Variants in WNT6 observed in about 807,000 individuals in gnomAD.
WNT6 encodes the protein Wnt family member 6, also known as protein Wnt-6.
In WNT6, 27 loss-of-function variants were observed where a neutral mutation model predicts 33.1. That is an observed-to-expected ratio of 0.82 (90% CI 0.60 to 1.12). The LOEUF is 1.12. Ranked by LOEUF, WNT6 falls within the 50% of genes most tolerant of loss-of-function variation. The probability of loss-of-function intolerance (pLI) is 0.00; values close to 1 mark genes in which losing one functional copy is unlikely to be tolerated. For synonymous variants in WNT6, 249 were observed against 242.8 expected (o/e 1.03, Z -0.24); for missense variants, 494 against 535.3 (o/e 0.92, Z 0.76).
chr2:218,871,469 C>T lies in WNT6; in HGVS notation c.302-16C>T. On this transcript the variant is annotated splice_polypyrimidine_tract_variant and intron_variant, in intron 2 of 3. Coordinates refer to ENST00000233948, the MANE Select transcript of WNT6 (RefSeq NM_006522.4). This position sits in a 1 kb window ranked among gnomAD's most constrained non-coding sequence, Gnocchi z 6.4. ...CCGCCCCAGCCCGCGCTGATTGCAC[C>T]TGTCTGCATTCACAGACATTCGGGA... The T allele has an allele frequency of 6.3e-7, 1 of 1,594,388 alleles. No homozygotes were observed. Among genetic ancestry groups the T allele is most frequent in the South Asian group, 1.1e-5 (1 of 90,696 alleles).
rs1944363545 is a variant in WNT6, at chr2:218,867,537, T to C, written c.81-3490T>C. On this transcript the variant is annotated intron_variant, in intron 1 of 3. Transcript: ENST00000233948. The surrounding 1 kb of genome is among the most constrained non-coding windows in gnomAD (Gnocchi z 4.9). ...CAGGCCAAGCCGGTTAGAATGACCA[T>C]CCATTGCCTTGTCCCTTCTTGTCCG... is the stretch of plus-strand genomic sequence containing the variant. Among the ~76,000 whole-genome samples the C allele has an allele frequency of 6.6e-6, 1 of 152,350 alleles. No individual in the cohort carries two copies. The highest frequency in any genetic ancestry group is 3.4e-3 in the Middle Eastern group (1 of 294).
At position 218,871,553 on chromosome 2, in the gene WNT6, T is replaced by G. The variant is rs766266841; in HGVS notation, c.370T>G (p.Cys124Gly). The G allele has an allele frequency of 6.3e-7, 1 of 1,596,884 alleles. No homozygotes were observed. The highest frequency in any genetic ancestry group is 1.1e-5 in the South Asian group (1 of 90,828). The change falls in exon 3 of 4, where the codon TGT (cysteine) becomes GGT (glycine). Residue 124 changes from cysteine to glycine, a missense_variant. Cys to Gly is a radical substitution (Grantham distance 159). Transcript: ENST00000233948. This position sits in a 1 kb window ranked among gnomAD's most constrained non-coding sequence, Gnocchi z 6.4. ...CGCCAGCCACGCCGTCACGCAGGCCTGTTCTATGGGCGAGCTGCTGCAGTG... is the reference window on the plus strand; with the variant it reads ...CGCCAGCCACGCCGTCACGCAGGCCGGTTCTATGGGCGAGCTGCTGCAGTG... ...AGASHAVTQACSMGELLQCGC... is the reference protein window; with the variant it reads ...AGASHAVTQAGSMGELLQCGC...
intron 1 of WNT6, among the ~76,000 whole-genome samples, chr2:218,865,680 G>T (rs567110820): frequency 6.6e-6 from 1 of 152,196 alleles, no homozygotes; most frequent in South Asian, 2.1e-4. Flanking sequence ...TCTCCCACAG[G>T]CCTCTCCTGC....
chr2:218,871,382 T>C lies in WNT6; in HGVS notation c.302-103T>C. On this transcript the variant is annotated intron_variant, in intron 2 of 3. Coordinates refer to ENST00000233948, the MANE Select transcript of WNT6 (RefSeq NM_006522.4). The surrounding 1 kb of genome is among the most constrained non-coding windows in gnomAD (Gnocchi z 6.4). Reference sequence around the variant, plus strand: ...GTGTCTGGGCACCCTGCAAGGACCCTGCCTCCCAGGCCCCTGGGGCAGCCC... The same window carrying C: ...GTGTCTGGGCACCCTGCAAGGACCCCGCCTCCCAGGCCCCTGGGGCAGCCC... 6.7e-6 allele frequency: 10 copies of C among 1,490,474 alleles called. No individual in the cohort carries two copies. Among genetic ancestry groups the C allele is most frequent in the Non-Finnish European group, 9.1e-6 (10 of 1,101,346 alleles). 92.3% of individuals were successfully genotyped at this position (1,490,474 alleles called of 1,614,324 possible).
Position 218,871,491 on chromosome 2 carries a change from G to A in WNT6, c.308G>A (p.Arg103Gln), listed in dbSNP as rs1333199200. 1.9e-6 allele frequency: 3 copies of A among 1,597,586 alleles called. No homozygotes were observed. Among genetic ancestry groups the A allele is most frequent in the Admixed American group, 1.7e-5 (1 of 59,894 alleles). Residue 103 changes from arginine (R) to glutamine (Q), a missense_variant, in exon 3 of 4, where the codon CGG becomes CAG. Coordinates refer to ENST00000233948, the MANE Select transcript of WNT6 (RefSeq NM_006522.4). The surrounding 1 kb of genome is among the most constrained non-coding windows in gnomAD (Gnocchi z 6.4). Reference protein sequence around the residue: ...AFGRILQQDIRETAFVFAITA... With the variant: ...AFGRILQQDIQETAFVFAITA... ...CACCTGTCTGCATTCACAGACATTC[G>A]GGAGACGGCCTTCGTGTTCGCCATC... is the stretch of plus-strand genomic sequence containing the variant.
rs1944360140 is a variant in WNT6, at chr2:218,867,123, G to A, written c.81-3904G>A. 6.6e-6 allele frequency among the ~76,000 whole-genome samples: 1 copy of A among 152,154 alleles called. No individual in the cohort carries two copies. The highest frequency in any genetic ancestry group is 2.1e-4 in the South Asian group (1 of 4,832). On this transcript the variant is annotated intron_variant, in intron 1 of 3. Transcript: ENST00000233948. The surrounding 1 kb of genome is among the most constrained non-coding windows in gnomAD (Gnocchi z 4.9). Reference sequence around the variant, plus strand: ...TCAGAGTTAATCAACCTTGCTAGGGGTACGGGGCTGTGTGGAGGATGGTGT... The same window carrying A: ...TCAGAGTTAATCAACCTTGCTAGGGATACGGGGCTGTGTGGAGGATGGTGT...
intron 1 of WNT6, among the ~76,000 whole-genome samples, chr2:218,866,758 C>A (rs1180475344): frequency 6.6e-6 from 1 of 152,218 alleles, no homozygotes; most frequent in Non-Finnish European, 1.5e-5. Context: ...AAGCAAATGG[C>A]AGAGCCCAGA....
chr2:218,871,768 C>G lies in WNT6; in HGVS notation c.585C>G (p.Arg195=), dbSNP rs755234114. Residue 195 remains arginine (R), a synonymous_variant, in exon 3 of 4, where the codon CGC becomes CGG. Coordinates refer to ENST00000233948, the MANE Select transcript of WNT6 (RefSeq NM_006522.4). The surrounding 1 kb of genome is among the most constrained non-coding windows in gnomAD (Gnocchi z 6.4). The part of the protein sequence containing the change: ...LFMDARHKRG[R]GDIRALVQLH... ...TGGACGCGCGGCACAAGCGGGGACG[C>G]GGAGACATCCGCGCGTTGGTGCAAC... 2 of 1,601,576 alleles carry G rather than the reference C, an allele frequency of 1.2e-6. No individual in the cohort carries two copies. The highest frequency in any genetic ancestry group is 2.2e-5 in the South Asian group (2 of 90,300).
intron 1 of WNT6, among the ~76,000 whole-genome samples, chr2:218,865,086 G>A (rs1944342540): frequency 6.6e-6 from 1 of 152,220 alleles, no homozygotes; most frequent in Non-Finnish European, 1.5e-5. Flanking sequence ...CCTGGGGGGT[G>A]CAGCCCCCTC....
intron 1 of WNT6, among the ~76,000 whole-genome samples, chr2:218,868,944 T>C (rs117175408): frequency 5.7e-4 from 87 of 152,282 alleles, no homozygotes; most frequent in East Asian, 1.7e-3. Flanking sequence ...CAATCCTTCT[T>C]ATAATGAGGT....
intron 1 of WNT6, among the ~76,000 whole-genome samples, chr2:218,864,196 T>A (rs952614445): frequency 1.1e-4 from 17 of 152,348 alleles, no homozygotes; most frequent in Admixed American, 1.1e-3. Flanking sequence ...GAGCTCACTC[T>A]CATAGAATGG....
chr2:218,871,867 C>A lies in WNT6; in HGVS notation c.636+48C>A, dbSNP rs371032209. The A allele has an allele frequency of 6.3e-5, 93 of 1,487,802 alleles. No individual in the cohort carries two copies. The highest frequency in any genetic ancestry group is 1.4e-5 in the African/African-American group (1 of 69,024). The allele number at this position is 1,487,802 out of a possible 1,614,324, so 92.2% of individuals were successfully genotyped here. A position where few individuals can be genotyped will look rare whatever the true frequency, so the allele number is the denominator to read the frequency against. On this transcript the variant is annotated intron_variant, in intron 3 of 3. Coordinates refer to ENST00000233948, the MANE Select transcript of WNT6 (RefSeq NM_006522.4). The surrounding 1 kb of genome is among the most constrained non-coding windows in gnomAD (Gnocchi z 6.4). ...GAGTGTGTGCGGAAATGTGAGTGTG[C>A]GCGCAGGAGTGTGCTTGAGGAAGTG...
In WNT6 at chr2:218,874,010, C is replaced by A; in HGVS notation, c.*165C>A. On this transcript the variant is annotated 3_prime_UTR_variant, in exon 4 of 4. Coordinates refer to ENST00000233948, the MANE Select transcript of WNT6 (RefSeq NM_006522.4). ...GGTGAGGCGAGGGGCTTGAGAGGAA[C>A]GCCCACCCACGAAGGCCCAGGGCGC... 1.2e-6 allele frequency: 1 copy of A among 818,188 alleles called. No homozygotes were observed. Among genetic ancestry groups the A allele is most frequent in the Non-Finnish European group, 1.8e-6 (1 of 567,112 alleles). The allele number at this position is 818,188 out of a possible 1,614,324, so 50.7% of individuals were successfully genotyped here. A position where few individuals can be genotyped will look rare whatever the true frequency, so the allele number is the denominator to read the frequency against.
intron 1 of WNT6, among the ~76,000 whole-genome samples, chr2:218,868,309 T>C (rs899235363): frequency 6.6e-6 from 1 of 152,186 alleles, no homozygotes; most frequent in Non-Finnish European, 1.5e-5. Flanking sequence ...CAAGAGGTTT[T>C]TGTCTTTCTG....
chr2:218,865,304 A>T (rs1944345436), intron 1 of WNT6, among the ~76,000 whole-genome samples: 1 of 152,190 alleles, frequency 6.6e-6, no homozygotes, highest in South Asian at 2.1e-4. Context: ...AAGCACCCCC[A>T]GCCTGCACCC....
At chr2:218,868,297 G>A (rs980588362) in intron 1 of WNT6, among the ~76,000 whole-genome samples, 5 of 152,148 alleles carry the variant, frequency 3.3e-5, no homozygotes, top group African/African-American at 1.2e-4. Context: ...AACAGAGAAG[G>A]TCAAGAGGTT....
In WNT6 at chr2:218,871,442, G is replaced by GA. The variant is rs1343959106; in HGVS notation, c.302-42dup. The GA allele has an allele frequency of 1.3e-6, 2 of 1,584,170 alleles. No individual in the cohort carries two copies. Among genetic ancestry groups the GA allele is most frequent in the African/African-American group, 2.7e-5 (2 of 74,684 alleles). On this transcript the variant is annotated intron_variant, in intron 2 of 3. Coordinates refer to ENST00000233948, the MANE Select transcript of WNT6 (RefSeq NM_006522.4). This position sits in a 1 kb window ranked among gnomAD's most constrained non-coding sequence, Gnocchi z 6.4. ...AGGTTTCAGGTCCCAGGCCCCAGCTGACCGCCCCAGCCCGCGCTGATTGCA... is the reference window on the plus strand; with the variant it reads ...AGGTTTCAGGTCCCAGGCCCCAGCTGAACCGCCCCAGCCCGCGCTGATTGCA...
chr2:218,864,447 A>T (rs1243878564), intron 1 of WNT6, among the ~76,000 whole-genome samples: 1 of 151,608 alleles, frequency 6.6e-6, no homozygotes, highest in African/African-American at 2.4e-5. Flanking sequence ...TAGTATTTTT[A>T]GTAGAGATGG....
At position 218,869,333 on chromosome 2, in the gene WNT6, C is replaced by T. The variant is rs1944380361; in HGVS notation, c.81-1694C>T. 2.0e-5 allele frequency among the ~76,000 whole-genome samples: 3 copies of T among 152,202 alleles called. No individual in the cohort carries two copies. In the South Asian group the frequency reaches 6.2e-4, roughly 31 times the overall value. On this transcript the variant is annotated intron_variant, in intron 1 of 3. Transcript: ENST00000233948. ...CCTGTACCACCTCTTCAAGCATCTC[C>T]ATCCTTAGTGTTGAGAGTTCTACCT...
Sources: gnomAD v4.1 joint callset for allele counts (sites outside exome capture counted in the v4.1 genomes callset) on GRCh38, gnomAD v4.1.1 for gene constraint, Gnocchi (gnomAD v3.1) non-coding constraint, MANE v1.5 for transcripts, NCBI Gene and HGNC (gene_info 2026-07-23, HGNC 2026-07-21) for gene names.